The following SYT1 variants were observed in gnomAD, a reference collection of about 807,000 sequenced individuals.
The protein encoded by SYT1 is synaptotagmin 1.
In SYT1, 8 loss-of-function variants were observed where a neutral mutation model predicts 44.8. The ratio of observed to expected loss-of-function variants is 0.18; its 90% CI spans 0.10 to 0.32. SYT1 has a LOEUF of 0.32. Among genes scored for constraint, SYT1 ranks in the 10% least tolerant of loss-of-function variants. The probability of loss-of-function intolerance (pLI) is 1.00; values close to 1 mark genes in which losing one functional copy is unlikely to be tolerated. For missense variants in SYT1, 286 were observed against 509.3 expected, an observed-to-expected ratio of 0.56 and a Z score of 4.22; for synonymous variants, 154 against 188.8, an observed-to-expected ratio of 0.82 and a Z score of 1.51.
intron 3 of SYT1, among the ~76,000 whole-genome samples, chr12:79,049,875 G>T (rs906003682): frequency 6.6e-6 from 1 of 151,976 alleles, no homozygotes; most frequent in Admixed American, 6.6e-5. Context: ...TGCTAAAGAC[G>T]CTTAGAGCAC....
chr12:78,953,660 A>G (rs971201377), intron 1 of SYT1, among the ~76,000 whole-genome samples: 1 of 152,136 alleles, frequency 6.6e-6, no homozygotes, highest in Non-Finnish European at 1.5e-5. Context: ...CCCAAACCAC[A>G]GTATGACATT....
chr12:78,982,842 T>C (rs958735391), intron 2 of SYT1, among the ~76,000 whole-genome samples: 1 of 152,172 alleles, frequency 6.6e-6, no homozygotes, highest in Non-Finnish European at 1.5e-5. Context: ...ACTTCCCTGA[T>C]CCAACAAATC....
chr12:79,429,227 A>G (rs1869628381), intron 9 of SYT1, among the ~76,000 whole-genome samples: 1 of 152,074 alleles, frequency 6.6e-6, no homozygotes, highest in Admixed American at 6.6e-5. Context: ...TTGTTTTTGA[A>G]ACGGAGTCTC....
chr12:79,002,587 A>G (rs765725719), intron 2 of SYT1, among the ~76,000 whole-genome samples: 31 of 152,004 alleles, frequency 2.0e-4, no homozygotes, highest in Non-Finnish European at 3.5e-4. Flanking sequence ...AGCTACACCA[A>G]AAATGTTCTC....
rs76296473 is a variant in SYT1, at chr12:79,367,227, A to G, written c.928+13608A>G. 7.2e-5 allele frequency among the ~76,000 whole-genome samples: 11 copies of G among 152,318 alleles called. No homozygotes were observed. In the East Asian group the frequency reaches 2.1e-3, roughly 29 times the overall value. ...CTAATTTGGGCAACAAGTAGGGACAAAGAGGAAGAACAGAGCCTCTGTCAT... is the reference window on the plus strand; with the variant it reads ...CTAATTTGGGCAACAAGTAGGGACAGAGAGGAAGAACAGAGCCTCTGTCAT... On this transcript the variant is annotated intron_variant, in intron 9 of 10. Transcript: ENST00000261205.
At position 79,179,472 on chromosome 12, in the gene SYT1, G is replaced by GATATATCT. The variant is rs1565842310; in HGVS notation, c.-17-38026_-17-38025insTCTATATA. On this transcript the variant is annotated intron_variant, in intron 3 of 10. Transcript: ENST00000261205. ...TATAGATATAATCTATATAGATATA[G>GATATATCT]ATATAGAGATATAGATATATCTATA... Among the ~76,000 whole-genome samples, 17 of 21,250 alleles carry GATATATCT rather than the reference G, an allele frequency of 8.0e-4. 1 individual carries two copies. Among genetic ancestry groups the GATATATCT allele is most frequent in the Admixed American group, 1.5e-3 (3 of 2,052 alleles). The allele number at this position is 21,250 out of a possible 152,430, so 13.9% of individuals were successfully genotyped here.
chr12:78,871,122 A>G (rs1356562051), intron 1 of SYT1, among the ~76,000 whole-genome samples: 1 of 152,042 alleles, frequency 6.6e-6, no homozygotes, highest in African/African-American at 2.4e-5. Context: ...GTTTCAAATC[A>G]TACTTTCAAA....
At chr12:79,408,259 G>C (rs990912395) in intron 9 of SYT1, among the ~76,000 whole-genome samples, 34 of 152,090 alleles carry the variant, frequency 2.2e-4, no homozygotes, top group African/African-American at 8.2e-4. Flanking sequence ...ATATGCCCAA[G>C]ATCCCAGACC....
intron 3 of SYT1, among the ~76,000 whole-genome samples, chr12:79,127,391 G>A (rs139027508): frequency 1.3e-5 from 2 of 151,886 alleles, no homozygotes; most frequent in African/African-American, 4.8e-5. Flanking sequence ...AACATGGGCA[G>A]TTCTTACGAA....
chr12:79,099,954 T>G (rs1878350801), intron 3 of SYT1, among the ~76,000 whole-genome samples: 1 of 152,138 alleles, frequency 6.6e-6, no homozygotes, highest in African/African-American at 2.4e-5. Context: ...AGAATCACAG[T>G]AAACATATTT....
chr12:78,922,836 A>G (rs1877082068), intron 1 of SYT1, among the ~76,000 whole-genome samples: 1 of 151,976 alleles, frequency 6.6e-6, no homozygotes, highest in Admixed American at 6.6e-5. Flanking sequence ...GTTCTCACAC[A>G]ACCCCATGAA....
intron 4 of SYT1, among the ~76,000 whole-genome samples, chr12:79,258,860 A>T (rs1379798026): frequency 1.3e-5 from 2 of 152,248 alleles, no homozygotes; most frequent in Non-Finnish European, 2.9e-5. Context: ...AAAGAATTAA[A>T]GAAGTCCATG....
At chr12:79,059,224 C>T (rs1186772542) in intron 3 of SYT1, among the ~76,000 whole-genome samples, 1 of 152,056 alleles carries the variant, frequency 6.6e-6, no homozygotes, top group East Asian at 1.9e-4. Flanking sequence ...AATGACCTCC[C>T]ATTGGGTCTC....
At chr12:79,416,381 T>C (rs1251033545) in intron 9 of SYT1, among the ~76,000 whole-genome samples, 20 of 152,216 alleles carry the variant, frequency 1.3e-4, no homozygotes, top group Non-Finnish European at 1.5e-5. Flanking sequence ...GCCATTTTCA[T>C]TTCATGTCCA....
intron 1 of SYT1, among the ~76,000 whole-genome samples, chr12:78,896,561 G>A (rs1875369675): frequency 6.6e-6 from 1 of 151,750 alleles, no homozygotes; most frequent in African/African-American, 2.4e-5. Context: ...GAAGAGGTGA[G>A]TTTAACTTGA....
At chr12:79,166,526 T>G (rs1207479901) in intron 3 of SYT1, among the ~76,000 whole-genome samples, 2 of 151,970 alleles carry the variant, frequency 1.3e-5, no homozygotes, top group African/African-American at 4.8e-5. Context: ...AGAAAATGAA[T>G]AGCCATCTAG....
At chr12:78,953,417 T>C (rs1194744540) in intron 1 of SYT1, among the ~76,000 whole-genome samples, 2 of 152,114 alleles carry the variant, frequency 1.3e-5, no homozygotes, top group Non-Finnish European at 2.9e-5. Flanking sequence ...TTCACCTTTT[T>C]ATTTCCAGCA....
intron 1 of SYT1, among the ~76,000 whole-genome samples, chr12:78,945,305 AT>A (rs1230900686): frequency 6.6e-6 from 1 of 151,874 alleles, no homozygotes; most frequent in Non-Finnish European, 1.5e-5. Flanking sequence ...GATTAATTGG[AT>A]TTTTAGCCTA....
chr12:79,349,487 GAT>G (rs1009148190), intron 8 of SYT1, among the ~76,000 whole-genome samples: 2 of 152,138 alleles, frequency 1.3e-5, no homozygotes, highest in African/African-American at 4.8e-5. Flanking sequence ...GAAAACTCAT[GAT>G]TTTGAGTTAA....
Sources: gnomAD v4.1 joint callset for allele counts (sites outside exome capture counted in the v4.1 genomes callset) on GRCh38, gnomAD v4.1.1 for gene constraint, MANE v1.5 for transcripts, NCBI Gene and HGNC (gene_info 2026-07-23, HGNC 2026-07-21) for gene names.